The following SLC35A3 variants were observed in gnomAD, a reference collection of about 807,000 sequenced individuals.
The protein encoded by SLC35A3 is UDP-N-acetylglucosamine transporter.
In SLC35A3, 26 loss-of-function variants were observed where a neutral mutation model predicts 39.0. The ratio of observed to expected loss-of-function variants is 0.67; its 90% CI spans 0.49 to 0.92. SLC35A3 has a LOEUF of 0.92. Ranked by LOEUF, SLC35A3 falls within the 40% of genes least tolerant of loss-of-function variation. SLC35A3 has a pLI of 0.00. For missense variants in SLC35A3, 299 were observed against 371.6 expected (o/e 0.80, Z 1.61); for synonymous variants, 135 against 133.1 (o/e 1.01, Z -0.10).
Position 100,015,406 on chromosome 1 carries a change from G to C in SLC35A3, c.739G>C (p.Val247Leu), listed in dbSNP as rs754780359. The change falls in exon 6 of 8, where the codon GTA becomes CTA. Residue 247 changes from valine to leucine, a missense_variant. Physicochemically the swap from Val to Leu is conservative, Grantham distance 32 (BLOSUM62 1). Transcript: ENST00000533028. ...GGGATATAACCGACTGACCTGGATA[G>C]TAGTTGTTCTTCAGGTAAAGCATTT... Reference protein sequence around the residue: ...FQGYNRLTWIVVVLQALGGLV... With the variant: ...FQGYNRLTWILVVLQALGGLV... 1.2e-6 allele frequency: 2 copies of C among 1,605,296 alleles called. No individual in the cohort carries two copies. The highest frequency in any genetic ancestry group is 1.7e-6 in the Non-Finnish European group (2 of 1,177,492).
At chr1:99,990,628 T>TGAAAAGAC (rs1658026976) in intron 1 of SLC35A3, among the ~76,000 whole-genome samples, 1 of 152,138 alleles carries the variant, frequency 6.6e-6, no homozygotes, top group South Asian at 2.1e-4. Flanking sequence ...CCAGAACTAT[T>TGAAAAGAC]TGTTGAAAAG....
chr1:99,972,261 A>G (rs1383703785), intron 1 of SLC35A3, among the ~76,000 whole-genome samples: 1 of 150,532 alleles, frequency 6.6e-6, no homozygotes, highest in Non-Finnish European at 1.5e-5. Flanking sequence ...TTAAATTTGC[A>G]TTGTAATTTG....
At position 100,023,313 on chromosome 1, in the gene SLC35A3, C is replaced by G. The variant is rs1660678604; in HGVS notation, c.*837C>G. The G allele has an allele frequency of 6.6e-6, 1 of 151,782 alleles. No homozygotes were observed. The highest frequency in any genetic ancestry group is 2.4e-5 in the African/African-American group (1 of 41,316). 9.4% of individuals were successfully genotyped at this position (151,782 alleles called of 1,614,324 possible). A position where few individuals can be genotyped will look rare whatever the true frequency, so the allele number is the denominator to read the frequency against. The stretch of plus-strand genomic sequence containing the variant: ...TTGTGTGTAATTGCCATTAAATTTT[C>G]AAAATGTAATTTAAAAGGATTAAAT... On this transcript the variant is annotated 3_prime_UTR_variant, in exon 8 of 8. Transcript: ENST00000533028.
intron 1 of SLC35A3, among the ~76,000 whole-genome samples, chr1:99,989,265 A>G (rs1421617118): frequency 6.6e-6 from 1 of 151,800 alleles, no homozygotes; most frequent in East Asian, 1.9e-4. Context: ...TTATTGATAA[A>G]ATATCTTTGT....
Position 100,033,832 on chromosome 1 carries a change from T to A in SLC35A3, c.*11356T>A, listed in dbSNP as rs561348152. 6.6e-6 allele frequency: 1 copy of A among 152,288 alleles called. No homozygotes were observed. The highest frequency in any genetic ancestry group is 1.5e-5 in the Non-Finnish European group (1 of 68,026). 9.4% of individuals were successfully genotyped at this position (152,288 alleles called of 1,614,324 possible). A position where few individuals can be genotyped will look rare whatever the true frequency, so the allele number is the denominator to read the frequency against. ...ACCTTTGTAATAAAATTAATTAAAATTTTAAAAAAGTATATTTAATAACCT... is the reference window on the plus strand; with the variant it reads ...ACCTTTGTAATAAAATTAATTAAAAATTTAAAAAAGTATATTTAATAACCT... On this transcript the variant is annotated 3_prime_UTR_variant, in exon 8 of 8. Transcript: ENST00000533028.
chr1:99,995,704 T>G (rs959517291), intron 2 of SLC35A3, among the ~76,000 whole-genome samples: 2 of 152,048 alleles, frequency 1.3e-5, no homozygotes, highest in Non-Finnish European at 2.9e-5. Flanking sequence ...AATAGTAGAG[T>G]CTATGCATAT....
At position 100,028,918 on chromosome 1, in the gene SLC35A3, C is replaced by G. The variant is rs1232872535; in HGVS notation, c.*6442C>G. On this transcript the variant is annotated 3_prime_UTR_variant, in exon 8 of 8. Transcript: ENST00000533028. ...AATTAAAACCAGCCAAAGGAAGTGA[C>G]ACATAAAACAGAGTCTAGGAGTGGT... is the stretch of plus-strand genomic sequence containing the variant. 6.6e-6 allele frequency: 1 copy of G among 152,224 alleles called. No individual in the cohort carries two copies. The highest frequency in any genetic ancestry group is 2.4e-5 in the African/African-American group (1 of 41,440). 9.4% of individuals were successfully genotyped at this position (152,224 alleles called of 1,614,324 possible).
intron 3 of SLC35A3, among the ~76,000 whole-genome samples, chr1:100,003,189 G>A (rs1277688552): frequency 6.6e-6 from 1 of 152,008 alleles, no homozygotes; most frequent in Non-Finnish European, 1.5e-5. Flanking sequence ...GCCAAGGTGG[G>A]TGGATTACCT....
rs1039237336 is a variant in SLC35A3 at position 100,025,024 on chromosome 1, A to G, written c.*2548A>G. ...GTTTAAAAGCATTTAAAATTACCAA[A>G]TCTTTAAAATCACTTTGGTGGTGAT... On this transcript the variant is annotated 3_prime_UTR_variant, in exon 8 of 8. Transcript: ENST00000533028. 4.4e-5 allele frequency: 10 copies of G among 226,848 alleles called. No homozygotes were observed. Among genetic ancestry groups the G allele is most frequent in the Non-Finnish European group, 8.4e-5 (10 of 118,700 alleles). The allele number at this position is 226,848 out of a possible 1,614,324, so 14.1% of individuals were successfully genotyped here. A position where few individuals can be genotyped will look rare whatever the true frequency, so the allele number is the denominator to read the frequency against.
In SLC35A3 at chr1:100,027,939, AC is replaced by A. The variant is rs1661005226; in HGVS notation, c.*5465del. The A allele has an allele frequency of 7.7e-6, 1 of 129,048 alleles. No homozygotes were observed. Among genetic ancestry groups the A allele is most frequent in the Non-Finnish European group, 1.6e-5 (1 of 62,118 alleles). 8.0% of individuals were successfully genotyped at this position (129,048 alleles called of 1,614,324 possible). A position where few individuals can be genotyped will look rare whatever the true frequency, so the allele number is the denominator to read the frequency against. ...GAATCTGAATCTTATAGATAATACT[AC>A]CTTTTTTTTTTTTTTTTTTTTTTTT... On this transcript the variant is annotated 3_prime_UTR_variant, in exon 8 of 8. Coordinates refer to ENST00000533028, the MANE Select transcript of SLC35A3 (RefSeq NM_012243.3).
intron 3 of SLC35A3, chr1:100,000,833 A>G (rs1363997392): frequency 6.6e-6 from 1 of 151,616 alleles, no homozygotes; most frequent in Non-Finnish European, 1.5e-5. Context: ...TAGTAGTTTT[A>G]TAGTTTTGAG....
intron 1 of SLC35A3, among the ~76,000 whole-genome samples, chr1:99,979,937 G>A (rs1346636171): frequency 6.6e-6 from 1 of 151,622 alleles, no homozygotes; most frequent in African/African-American, 2.4e-5. Context: ...CCAGCTACTC[G>A]GGACACTGAG....
chr1:100,016,063 ATT>A (rs570217343), intron 6 of SLC35A3, among the ~76,000 whole-genome samples: 10,719 of 130,068 alleles, frequency 0.082, 632 homozygotes, highest in African/African-American at 0.21. Flanking sequence ...GGATACTTCT[ATT>A]TTTTTTTTTT....
chr1:100,030,679 G>A lies in SLC35A3; in HGVS notation c.*8203G>A, dbSNP rs1177276987. The A allele has an allele frequency of 6.6e-6, 1 of 152,144 alleles. No homozygotes were observed. The highest frequency in any genetic ancestry group is 1.5e-5 in the Non-Finnish European group (1 of 68,008). The allele number at this position is 152,144 out of a possible 1,614,324, so 9.4% of individuals were successfully genotyped here. A position where few individuals can be genotyped will look rare whatever the true frequency, so the allele number is the denominator to read the frequency against. ...TTAGACACAAAATCTGTGTGTGTGTGTGTTTGGTCTTTTAAAAGATACTGC... is the reference window on the plus strand; with the variant it reads ...TTAGACACAAAATCTGTGTGTGTGTATGTTTGGTCTTTTAAAAGATACTGC... On this transcript the variant is annotated 3_prime_UTR_variant, in exon 8 of 8. Transcript: ENST00000533028.
chr1:100,014,553 C>A (rs1431111798), intron 5 of SLC35A3, among the ~76,000 whole-genome samples: 2 of 152,012 alleles, frequency 1.3e-5, no homozygotes, highest in Non-Finnish European at 2.9e-5. Flanking sequence ...AAATATTGTA[C>A]CCCCTGCCTC....
chr1:99,996,946 T>C (rs2101163827), intron 2 of SLC35A3, among the ~76,000 whole-genome samples: 1 of 152,208 alleles, frequency 6.6e-6, no homozygotes, highest in Admixed American at 6.5e-5. Flanking sequence ...GTATCATTAT[T>C]GGTAAATAAT....
intron 1 of SLC35A3, among the ~76,000 whole-genome samples, chr1:99,985,027 C>G (rs1454860134): frequency 2.0e-5 from 3 of 152,152 alleles, no homozygotes; most frequent in African/African-American, 7.2e-5. Context: ...TTCTCCCACT[C>G]TGTGGGTTGT....
chr1:100,032,365 T>C lies in SLC35A3; in HGVS notation c.*9889T>C, dbSNP rs1458024676. 6.6e-6 allele frequency: 1 copy of C among 152,134 alleles called. No homozygotes were observed. The highest frequency in any genetic ancestry group is 1.5e-5 in the Non-Finnish European group (1 of 68,012). The allele number at this position is 152,134 out of a possible 1,614,324, so 9.4% of individuals were successfully genotyped here. On this transcript the variant is annotated 3_prime_UTR_variant, in exon 8 of 8. Transcript: ENST00000533028. ...TTCTTCTACATTTATTAGTTTATATTCTTTTTTAAAATAAAAAAGTATATT... is the reference window on the plus strand; with the variant it reads ...TTCTTCTACATTTATTAGTTTATATCCTTTTTTAAAATAAAAAAGTATATT...
At chr1:99,980,530 A>C (rs1171075714) in intron 1 of SLC35A3, among the ~76,000 whole-genome samples, 1 of 152,252 alleles carries the variant, frequency 6.6e-6, no homozygotes, top group East Asian at 1.9e-4. Context: ...TAGGTAAAGA[A>C]ATAGCTGAAT....
Sources: gnomAD v4.1 joint callset for allele counts (sites outside exome capture counted in the v4.1 genomes callset) on GRCh38, gnomAD v4.1.1 for gene constraint, MANE v1.5 for transcripts, NCBI Gene and HGNC (gene_info 2026-07-23, HGNC 2026-07-21) for gene names.